TMEM200C: variants seen among roughly 807,000 people sequenced by gnomAD.
TMEM200C encodes the protein transmembrane protein TTMA.
For missense variants in TMEM200C, 966 were observed against 699.9 expected (o/e 1.38, Z -4.29); for synonymous variants, 462 against 324.7 (o/e 1.42, Z -4.55).
chr18:5,884,420 C>T (rs2095163933), exon 3 of TMEM200C: 1 of 152,072 alleles, frequency 6.6e-6, no homozygotes, highest in African/African-American at 2.4e-5. Flanking sequence ...TTGTAATATT[C>T]ACATTATAGT....
At chr18:5,895,568 GCCCCCGC>G (rs1436775362) in intron 1 of TMEM200C, 46 bp from the exon 1 acceptor site, 5 of 109,736 alleles carry the variant, frequency 4.6e-5, no homozygotes, top group Non-Finnish European at 6.0e-5. Context: ...GGGCGCCCCC[GCCCCCGC>G]CCCCCGCCCC....
intron 2 of TMEM200C, 46 bp from the exon 2 acceptor site, chr18:5,892,203 G>A: frequency 1.2e-6 from 1 of 836,774 alleles, no homozygotes; most frequent in Non-Finnish European, 1.8e-6. Flanking sequence ...CTTGGCTGCA[G>A]TGACATCTCA....
In TMEM200C at chr18:5,891,625, T is replaced by G. The variant is rs2095171207; in HGVS notation, c.439A>C (p.Thr147Pro). Residue 147 changes from threonine to proline, a missense_variant, in exon 3 of 3, where the codon ACG becomes CCG. Coordinates refer to ENST00000581347, the Ensembl canonical transcript of TMEM200C. The surrounding 1 kb of genome is among the most constrained non-coding windows in gnomAD (Gnocchi z 4.7). ...ATGCGGAAGAAGAAGCCCACGGACG[T>G]GGAGGAGGAGGACGGGGAGGCGGCT... 1 of 1,613,396 alleles carries G rather than the reference T, an allele frequency of 6.2e-7. No individual in the cohort carries two copies. The highest frequency in any genetic ancestry group is 1.7e-5 in the Admixed American group (1 of 59,998).
rs1599527131 is a variant in TMEM200C, at chr18:5,891,696, A to C, written c.368T>G (p.Val123Gly). 2 of 1,613,590 alleles carry C rather than the reference A, an allele frequency of 1.2e-6. No individual in the cohort carries two copies. The highest frequency in any genetic ancestry group is 4.5e-5 in the East Asian group (2 of 44,814). ...GGGCGCGCCCGCGGAACTGGAGTTG[A>C]CACCCCCTGGAGCCCTAGGGTGGCT... Residue 123 changes from valine (V) to glycine (G), a missense_variant, in exon 3 of 3, where the codon GTC (valine) becomes GGC (glycine). By Grantham distance (109) the Val-to-Gly change is moderately radical. Coordinates refer to ENST00000581347, the Ensembl canonical transcript of TMEM200C. This position sits in a 1 kb window ranked among gnomAD's most constrained non-coding sequence, Gnocchi z 4.7.
intron 2 of TMEM200C, among the ~76,000 whole-genome samples, chr18:5,893,094 T>A (rs1338982978): frequency 6.6e-6 from 1 of 152,186 alleles, no homozygotes; most frequent in Non-Finnish European, 1.5e-5. Context: ...AAGAGAAAGA[T>A]CTTTTTCTCA....
chr18:5,886,993 T>C (rs2095165874), exon 3 of TMEM200C: 1 of 152,180 alleles, frequency 6.6e-6, no homozygotes, highest in Non-Finnish European at 1.5e-5. Context: ...CAAATATTAG[T>C]TCATTTAATC....
exon 3 of TMEM200C, chr18:5,890,177 C>T (rs1198819110): frequency 1.0e-5 from 15 of 1,497,426 alleles, no homozygotes; most frequent in African/African-American, 1.4e-5. Context: ...CTCTTTCCTC[C>T]TCCCCAACCC....
exon 3 of TMEM200C, chr18:5,890,619 G>T: frequency 1.0e-6 from 1 of 1,002,078 alleles, no homozygotes; most frequent in Non-Finnish European, 1.3e-6. Context: ...CTCGGGGGAC[G>T]GCGGCGCCCG....
At chr18:5,890,230 C>T (rs773938140) in exon 3 of TMEM200C, 1 of 1,573,212 alleles carries the variant, frequency 6.4e-7, no homozygotes, top group Admixed American at 1.8e-5. Flanking sequence ...TCTTCTTCTA[C>T]CCCTATGGCA....
intron 2 of TMEM200C, among the ~76,000 whole-genome samples, chr18:5,892,416 CCTT>C (rs1467270215): frequency 1.3e-5 from 2 of 152,178 alleles, no homozygotes; most frequent in Non-Finnish European, 2.9e-5. Context: ...TGAGAATATG[CCTT>C]CTTCTCCTCG....
In TMEM200C at chr18:5,891,486, T is replaced by C. The variant is rs748640612; in HGVS notation, c.578A>G (p.Lys193Arg). The C allele has an allele frequency of 3.8e-6, 6 of 1,598,362 alleles. No homozygotes were observed. The African/African-American group carries it at 6.7e-5, about 18-fold the overall frequency. The change falls in exon 3 of 3, where the codon AAG becomes AGG. Residue 193 changes from lysine (K) to arginine (R), a missense_variant. Lys to Arg is a conservative substitution (Grantham distance 26). Transcript: ENST00000581347. The surrounding 1 kb of genome is among the most constrained non-coding windows in gnomAD (Gnocchi z 4.7). ...CCGCAGGTTGATGATTTTGGTCTTCTTGTCCCGGTTCTCGTGGAGGACCGC... is the reference window on the plus strand; with the variant it reads ...CCGCAGGTTGATGATTTTGGTCTTCCTGTCCCGGTTCTCGTGGAGGACCGC...
chr18:5,887,421 T>C (rs1373339134), exon 3 of TMEM200C: 1 of 152,244 alleles, frequency 6.6e-6, no homozygotes, highest in South Asian at 2.1e-4. Context: ...TGCATTTCTC[T>C]AAGAATGGTC....
exon 3 of TMEM200C, chr18:5,883,651 T>C (rs2095163329): frequency 6.6e-6 from 1 of 152,186 alleles, no homozygotes; most frequent in African/African-American, 2.4e-5. Flanking sequence ...TGCTGCAAAA[T>C]TGATGTAGAA....
chr18:5,891,755 G>A lies in TMEM200C; in HGVS notation c.309C>T (p.Asn103=), dbSNP rs765485486. The A allele has an allele frequency of 7.5e-6, 12 of 1,610,350 alleles. No individual in the cohort carries two copies. The highest frequency in any genetic ancestry group is 2.7e-5 in the African/African-American group (2 of 74,906). Residue 103 remains asparagine (N), a synonymous_variant, in exon 3 of 3, where the codon AAC becomes AAT. Transcript: ENST00000581347. The surrounding 1 kb of genome is among the most constrained non-coding windows in gnomAD (Gnocchi z 4.7). ...GGTTTTTGCTGCCACTGCTACTGCTGTTGGCCGTGGTTGGGACCCGGTGGC... is the reference window on the plus strand; with the variant it reads ...GGTTTTTGCTGCCACTGCTACTGCTATTGGCCGTGGTTGGGACCCGGTGGC...
chr18:5,892,222 C>A, intron 2 of TMEM200C, 65 bp from the exon 2 acceptor site: 1 of 713,776 alleles, frequency 1.4e-6, no homozygotes. Flanking sequence ...CACGCTGCAG[C>A]TGCCCTACTC....
exon 3 of TMEM200C, chr18:5,890,355 G>C: frequency 1.3e-6 from 2 of 1,596,694 alleles, no homozygotes; most frequent in East Asian, 2.3e-5. Context: ...GCTCTGCTCC[G>C]CACCCAGAAC....
exon 3 of TMEM200C, chr18:5,890,321 C>T (rs1175777412): frequency 3.7e-6 from 6 of 1,604,774 alleles, no homozygotes; most frequent in South Asian, 1.1e-5. Flanking sequence ...CCGTGGGTGG[C>T]TCCTGGCTGG....
chr18:5,882,891 C>T (rs1338529913), exon 3 of TMEM200C: 4 of 152,182 alleles, frequency 2.6e-5, no homozygotes, highest in Non-Finnish European at 4.4e-5. Flanking sequence ...AACACATTAA[C>T]CTGCAATGGT....
At chr18:5,893,416 T>C (rs1345784016) in intron 2 of TMEM200C, among the ~76,000 whole-genome samples, 3 of 152,174 alleles carry the variant, frequency 2.0e-5, no homozygotes, top group Non-Finnish European at 4.4e-5. Context: ...GGTAGGAAAA[T>C]TCACAAATGC....
Sources: allele counts gnomAD v4.1 joint callset (sites outside exome capture counted in the v4.1 genomes callset), GRCh38; gene constraint gnomAD v4.1.1; non-coding constraint Gnocchi (gnomAD v3.1); transcripts MANE v1.5; gene names NCBI Gene and HGNC (gene_info 2026-07-23, HGNC 2026-07-21).